Variants in SLC44A5 observed in about 807,000 individuals in gnomAD.
SLC44A5 encodes the protein solute carrier family 44 member 5.
SLC44A5 carries 57 observed loss-of-function variants against 101.8 expected under a neutral mutation model. The ratio of observed to expected loss-of-function variants is 0.56; its 90% CI spans 0.45 to 0.70. The LOEUF (loss-of-function observed/expected upper bound fraction) is 0.70, where lower values mean the gene tolerates loss of function less well. Among genes scored for constraint, SLC44A5 ranks in the 30% least tolerant of loss-of-function variants. The pLI, the probability that SLC44A5 is intolerant of heterozygous loss-of-function variation, is 0.00. For synonymous variants in SLC44A5, 281 were observed against 290.9 expected (o/e 0.97, Z 0.35); for missense variants, 737 against 853.1 (o/e 0.86, Z 1.70).
At chr1:75,356,209 CAAAAAAAAAAAA>C (rs35660365) in intron 3 of SLC44A5, among the ~76,000 whole-genome samples, 1 of 76,104 alleles carries the variant, frequency 1.3e-5, no homozygotes, top group Non-Finnish European at 2.4e-5. Flanking sequence ...AAGACTGCCT[CAAAAAAAAAAAA>C]AAAAAAAAAA....
chr1:75,341,551 AGAAG>A (rs984234451), intron 3 of SLC44A5, among the ~76,000 whole-genome samples: 7 of 152,026 alleles, frequency 4.6e-5, no homozygotes, highest in Non-Finnish European at 5.9e-5. Flanking sequence ...ACGAGAGAGA[AGAAG>A]GAAGGAAGGA....
chr1:75,413,733 C>G (rs761464085), intron 2 of SLC44A5, among the ~76,000 whole-genome samples: 6 of 152,180 alleles, frequency 3.9e-5, no homozygotes, highest in Non-Finnish European at 8.8e-5. Context: ...AAATTTCACT[C>G]TAGCCAAGTC....
intron 5 of SLC44A5, among the ~76,000 whole-genome samples, chr1:75,292,297 G>A (rs1653621401): frequency 6.6e-6 from 1 of 152,078 alleles, no homozygotes; most frequent in Non-Finnish European, 1.5e-5. Context: ...TGCTTTATAT[G>A]AAGCAGCTCT....
At position 75,404,259 on chromosome 1, in the gene SLC44A5, C is replaced by T. The variant is rs140747410; in HGVS notation, c.14-7638G>A. On this transcript the variant is annotated intron_variant, in intron 2 of 23. Coordinates refer to ENST00000370859, the MANE Select transcript of SLC44A5 (RefSeq NM_001130058.2). ...GAAAGTGACCAGGAGAATGGAACCACGTTGGAAAACACTTTTCAGGCTATT... is the reference window on the plus strand; with the variant it reads ...GAAAGTGACCAGGAGAATGGAACCATGTTGGAAAACACTTTTCAGGCTATT... 1.4e-3 allele frequency among the ~76,000 whole-genome samples: 212 copies of T among 152,234 alleles called. 3 individuals carry two copies. Among genetic ancestry groups the T allele is most frequent in the African/African-American group, 4.9e-3 (203 of 41,554 alleles).
intron 2 of SLC44A5, among the ~76,000 whole-genome samples, chr1:75,462,143 G>A (rs1666536370): frequency 6.6e-6 from 1 of 152,180 alleles, no homozygotes; most frequent in Non-Finnish European, 1.5e-5. Context: ...TAGCCAAAGG[G>A]TGCTTATGTC....
chr1:75,270,108 T>C (rs1651346856), intron 6 of SLC44A5, among the ~76,000 whole-genome samples: 1 of 152,174 alleles, frequency 6.6e-6, no homozygotes, highest in South Asian at 2.1e-4. Flanking sequence ...ATTAAGCCCC[T>C]TTTTCTTTAC....
chr1:75,575,598 A>G (rs931055142), intron 1 of SLC44A5, among the ~76,000 whole-genome samples: 2 of 152,112 alleles, frequency 1.3e-5, no homozygotes, highest in African/African-American at 2.4e-5. Context: ...TGTTTTTTTA[A>G]CTCCACAATT....
chr1:75,480,675 A>G (rs1299179203), intron 2 of SLC44A5, among the ~76,000 whole-genome samples: 2 of 152,022 alleles, frequency 1.3e-5, no homozygotes. Context: ...AGAATAAAAT[A>G]CCTAGGAATC....
intron 7 of SLC44A5, among the ~76,000 whole-genome samples, chr1:75,250,871 T>G (rs1372214861): frequency 6.6e-6 from 1 of 152,122 alleles, no homozygotes; most frequent in Non-Finnish European, 1.5e-5. Flanking sequence ...AAAACGTGGT[T>G]TGTTAGTTAT....
chr1:75,405,961 C>T (rs1662831773), intron 2 of SLC44A5, among the ~76,000 whole-genome samples: 1 of 150,450 alleles, frequency 6.6e-6, no homozygotes, highest in Non-Finnish European at 1.5e-5. Flanking sequence ...AGATAGACCG[C>T]TAGCAAGACT....
intron 1 of SLC44A5, among the ~76,000 whole-genome samples, chr1:75,596,637 A>G (rs1170466537): frequency 6.6e-6 from 1 of 152,124 alleles, no homozygotes; most frequent in Non-Finnish European, 1.5e-5. Flanking sequence ...GGGATGCAAG[A>G]TTGCTTCAAC....
the SLC44A5 span, among the ~76,000 whole-genome samples, chr1:75,647,936 G>A: frequency 5.3e-5 from 8 of 152,176 alleles, no homozygotes; most frequent in Non-Finnish European, 1.2e-4. Context: ...AATGAGTTAA[G>A]TCTTTGGGTA....
intron 11 of SLC44A5, among the ~76,000 whole-genome samples, chr1:75,235,633 A>G (rs1648006706): frequency 1.3e-5 from 2 of 152,006 alleles, no homozygotes; most frequent in Admixed American, 1.3e-4. Flanking sequence ...AAAATCTCAT[A>G]AAGTGATCTA....
chr1:75,340,453 C>T (rs113666065), intron 3 of SLC44A5, among the ~76,000 whole-genome samples: 95 of 152,260 alleles, frequency 6.2e-4, no homozygotes, highest in Admixed American at 5.2e-4. Context: ...AAGGTCTGGT[C>T]CTGAATAAAA....
At chr1:75,498,236 A>G (rs1031367738) in intron 2 of SLC44A5, among the ~76,000 whole-genome samples, 1 of 152,136 alleles carries the variant, frequency 6.6e-6, no homozygotes, top group Non-Finnish European at 1.5e-5. Flanking sequence ...TTTTAGGTCT[A>G]TGTTTCCCAG....
rs185997900 is a variant in SLC44A5 at position 75,358,356 on chromosome 1, C to G, written c.53-18726G>C. 2.7e-3 allele frequency among the ~76,000 whole-genome samples: 408 copies of G among 152,198 alleles called. 1 individual carries two copies. The highest frequency in any genetic ancestry group is 4.2e-3 in the Non-Finnish European group (283 of 67,996). ...ACCTTTAGCTATTGTTGTGCTAGTG[C>G]TATACTTTATATATTTAAGACTCAA... On this transcript the variant is annotated intron_variant, in intron 3 of 23. Coordinates refer to ENST00000370859, the MANE Select transcript of SLC44A5 (RefSeq NM_001130058.2).
At chr1:75,711,091 C>G in the SLC44A5 span, among the ~76,000 whole-genome samples, 1 of 152,106 alleles carries the variant, frequency 6.6e-6, no homozygotes, top group South Asian at 2.1e-4. Context: ...CTTAAATTCC[C>G]AAGACAGCCA....
At chr1:75,294,859 A>T (rs1390931393) in intron 5 of SLC44A5, among the ~76,000 whole-genome samples, 1 of 152,286 alleles carries the variant, frequency 6.6e-6, no homozygotes, top group East Asian at 1.9e-4. Flanking sequence ...GCAGAACGGT[A>T]GGTGCCAGGA....
intron 1 of SLC44A5, among the ~76,000 whole-genome samples, chr1:75,556,766 G>A (rs887720924): frequency 1.4e-4 from 21 of 152,032 alleles, no homozygotes; most frequent in African/African-American, 4.8e-4. Flanking sequence ...ACAAGGACGG[G>A]TAGGCTGTTT....
Sources: allele counts gnomAD v4.1 joint callset (sites outside exome capture counted in the v4.1 genomes callset), GRCh38; gene constraint gnomAD v4.1.1; transcripts MANE v1.5; gene names NCBI Gene and HGNC (gene_info 2026-07-23, HGNC 2026-07-21).